Variants in NDC80 observed in about 807,000 individuals in gnomAD.
The protein encoded by NDC80 is kinetochore protein NDC80 homolog.
A neutral mutation model predicts 89.3 loss-of-function variants in NDC80; 69 were observed. The ratio of observed to expected loss-of-function variants is 0.77; its 90% confidence interval spans 0.64 to 0.94. The LOEUF (loss-of-function observed/expected upper bound fraction) is 0.94, where lower values mean the gene tolerates loss of function less well. Among genes scored for constraint, NDC80 ranks in the 40% least tolerant of loss-of-function variants. NDC80 has a pLI of 0.00. For missense variants in NDC80, 593 were observed against 739.6 expected, an observed-to-expected ratio of 0.80 and a Z score of 2.30; for synonymous variants, 243 against 255.6, an observed-to-expected ratio of 0.95 and a Z score of 0.47.
intron 16 of NDC80, chr18:2,614,526 AGG>A (rs2072765326): frequency 1.8e-4 from 1 of 5,622 alleles, no homozygotes; most frequent in Non-Finnish European, 2.7e-4. Context: ...GAAGGAAGGA[AGG>A]AAGGAAGGAA....
intron 11 of NDC80, among the ~76,000 whole-genome samples, chr18:2,595,955 T>C (rs551394178): frequency 3.3e-5 from 5 of 152,342 alleles, no homozygotes; most frequent in Admixed American, 2.0e-4. Context: ...AGCATTAAGA[T>C]TGAACATCCG....
chr18:2,578,016 A>T lies in NDC80; in HGVS notation c.351A>T (p.Leu117=). The change falls in exon 5 of 17, where the codon CTA becomes CTT. Residue 117 remains leucine, a synonymous_variant. Transcript: ENST00000261597. The part of the protein sequence containing the change: ...GYAHNVSMKS[L]QAPSVKDFLK... ...CACATAATGTGTCCATGAAATCTCT[A>T]CAAGCTCCCTCTGTTAAAGACTTCC... 1 of 1,614,120 alleles carries T rather than the reference A, an allele frequency of 6.2e-7. No individual in the cohort carries two copies. The highest frequency in any genetic ancestry group is 8.5e-7 in the Non-Finnish European group (1 of 1,179,996).
At chr18:2,595,713 A>C (rs1438230987) in intron 11 of NDC80, 92 bp downstream of exon 11, 1 of 1,075,890 alleles carries the variant, frequency 9.3e-7, no homozygotes, top group African/African-American at 1.6e-5. Context: ...GGTAGAGTAA[A>C]TTGGCTTAAG....
Position 2,578,151 on chromosome 18 carries a change from T to G in NDC80, c.476+10T>G. Reference sequence around the variant, plus strand: ...TCTTTAAAGACCTTGGGTATGTATATTTCTTATTAGTTTAGAGACATGACT... The same window carrying G: ...TCTTTAAAGACCTTGGGTATGTATAGTTCTTATTAGTTTAGAGACATGACT... On this transcript the variant is annotated intron_variant, in intron 5 of 16. Coordinates refer to ENST00000261597, the MANE Select transcript of NDC80 (RefSeq NM_006101.3). 1.2e-6 allele frequency: 2 copies of G among 1,609,234 alleles called. No individual in the cohort carries two copies. Among genetic ancestry groups the G allele is most frequent in the Non-Finnish European group, 1.7e-6 (2 of 1,178,026 alleles).
At chr18:2,579,076 T>C in intron 6 of NDC80, 47 bp downstream of exon 6, 1 of 1,189,118 alleles carries the variant, frequency 8.4e-7, no homozygotes, top group East Asian at 2.8e-5. Flanking sequence ...AAGGGTTTTT[T>C]TCCTCAAAAA....
chr18:2,589,968 T>C, intron 9 of NDC80, 50 bp from the exon 10 acceptor site: 1 of 1,223,296 alleles, frequency 8.2e-7, no homozygotes, highest in Non-Finnish European at 1.1e-6. Flanking sequence ...TAAAATAAAA[T>C]ATGGAATGGT....
At chr18:2,592,823 G>T (rs1231120240) in intron 10 of NDC80, among the ~76,000 whole-genome samples, 1 of 152,042 alleles carries the variant, frequency 6.6e-6, no homozygotes, top group Non-Finnish European at 1.5e-5. Context: ...CCACCCTTAG[G>T]ATGACTCTCT....
At chr18:2,608,555 T>C in intron 14 of NDC80, 145 bp from the exon 15 acceptor site, 1 of 845,610 alleles carries the variant, frequency 1.2e-6, no homozygotes, top group Non-Finnish European at 1.7e-6. Context: ...TTAAAGTCTC[T>C]TGCATGTAAA....
rs1409981335 is a variant in NDC80 at position 2,610,835 on chromosome 18, G to A, written c.1765G>A (p.Val589Ile). Residue 589 changes from valine to isoleucine, a missense_variant, in exon 16 of 17, where the codon GTT becomes ATT. By Grantham distance (29) the Val-to-Ile change is conservative (BLOSUM62 3). Coordinates refer to ENST00000261597, the MANE Select transcript of NDC80 (RefSeq NM_006101.3). The stretch of plus-strand genomic sequence containing the variant: ...TAACTTGCAACGTCTGTTAGAGATG[G>A]TTGCTACACATGTTGGGTCTGTAGA... Reference protein sequence around the residue: ...GNNLQRLLEMVATHVGSVEKH... With the variant: ...GNNLQRLLEMIATHVGSVEKH... 6.3e-7 allele frequency: 1 copy of A among 1,583,992 alleles called. No individual in the cohort carries two copies. Among genetic ancestry groups the A allele is most frequent in the Non-Finnish European group, 8.6e-7 (1 of 1,159,144 alleles).
rs573009328 is a variant in NDC80, at chr18:2,602,749, A to G, written c.1464+1264A>G. ...AAATACATCCTTCAGGCACTCCCAT[A>G]TAGAGAAAAAGGCTGACATAGGTAC... On this transcript the variant is annotated intron_variant, in intron 13 of 16. Transcript: ENST00000261597. Among the ~76,000 whole-genome samples the G allele has an allele frequency of 2.6e-5, 4 of 152,292 alleles. No homozygotes were observed. The East Asian group carries it at 5.8e-4, about 22-fold the overall frequency.
At chr18:2,605,047 G>A (rs1233965725) in intron 13 of NDC80, among the ~76,000 whole-genome samples, 1 of 152,146 alleles carries the variant, frequency 6.6e-6, no homozygotes, top group Non-Finnish European at 1.5e-5. Context: ...GGAAACAACA[G>A]TTTGGTTGTC....
chr18:2,601,562 T>G, intron 13 of NDC80, 77 bp downstream of exon 13: 1 of 609,712 alleles, frequency 1.6e-6, no homozygotes, highest in South Asian at 3.6e-5. Context: ...TATTTATGGT[T>G]TCTGATTGCT....
chr18:2,598,315 A>G (rs900916121), intron 11 of NDC80, among the ~76,000 whole-genome samples: 1 of 152,236 alleles, frequency 6.6e-6, no homozygotes, highest in African/African-American at 2.4e-5. Context: ...AATATTAAGT[A>G]TCTACTATAT....
chr18:2,579,278 T>A (rs2072563841), intron 6 of NDC80: 1 of 340,488 alleles, frequency 2.9e-6, no homozygotes, highest in Non-Finnish European at 5.2e-6. Context: ...AATAGGAAAT[T>A]CATTTTTTAT....
At chr18:2,577,082 G>A (rs1216755343) in intron 3 of NDC80, among the ~76,000 whole-genome samples, 2 of 152,232 alleles carry the variant, frequency 1.3e-5, no homozygotes, top group South Asian at 4.1e-4. Context: ...CTTTAGAGAT[G>A]ATAGTAATTA....
At chr18:2,591,390 A>G (rs1048982776) in intron 10 of NDC80, among the ~76,000 whole-genome samples, 1 of 152,030 alleles carries the variant, frequency 6.6e-6, no homozygotes, top group East Asian at 1.9e-4. Flanking sequence ...ATTGACAACT[A>G]TACTGTTTTC....
intron 11 of NDC80, among the ~76,000 whole-genome samples, chr18:2,595,847 AAAAAGTCTCT>A (rs1390315629): frequency 1.3e-5 from 2 of 152,240 alleles, no homozygotes; most frequent in African/African-American, 4.8e-5. Context: ...AAAGTAAACA[AAAAAGTCTCT>A]AAAACTATGA....
intron 16 of NDC80, among the ~76,000 whole-genome samples, chr18:2,611,209 C>A (rs1798326389): frequency 6.6e-6 from 1 of 152,000 alleles, no homozygotes; most frequent in Non-Finnish European, 1.5e-5. Flanking sequence ...CCACCACGCC[C>A]AGCTAATTTT....
At chr18:2,573,524 G>A (rs368597119) in intron 2 of NDC80, among the ~76,000 whole-genome samples, 4 of 152,066 alleles carry the variant, frequency 2.6e-5, no homozygotes, top group East Asian at 1.9e-4. Flanking sequence ...CCACTCCTCC[G>A]AACTCTTTCC....
Sources: gnomAD v4.1 joint callset for allele counts (sites outside exome capture counted in the v4.1 genomes callset) on GRCh38, gnomAD v4.1.1 for gene constraint, MANE v1.5 for transcripts, NCBI Gene and HGNC (gene_info 2026-07-23, HGNC 2026-07-21) for gene names.